Variants in DMRT1 observed in about 807,000 individuals in gnomAD.
DMRT1 encodes doublesex- and mab-3-related transcription factor 1.
DMRT1 carries 7 observed loss-of-function variants against 32.3 expected under a neutral mutation model. That is an observed-to-expected ratio of 0.22 (90% CI 0.12 to 0.41). The LOEUF is 0.41. Among genes scored for constraint, DMRT1 ranks in the 10% least tolerant of loss-of-function variants. The pLI is 1.00. For missense variants in DMRT1, 625 were observed against 500.5 expected, an observed-to-expected ratio of 1.25 and a Z score of -2.37; for synonymous variants, 278 against 206.1, an observed-to-expected ratio of 1.35 and a Z score of -2.99.
chr9:900,828 G>A (rs956900544), intron 3 of DMRT1, among the ~76,000 whole-genome samples: 6 of 151,748 alleles, frequency 4.0e-5, no homozygotes, highest in African/African-American at 1.5e-4. Context: ...GGGACTACAG[G>A]TGTGTGCCAC....
intron 2 of DMRT1, among the ~76,000 whole-genome samples, chr9:852,152 G>A (rs1266643202): frequency 6.6e-6 from 1 of 151,842 alleles, no homozygotes; most frequent in Non-Finnish European, 1.5e-5. Context: ...GGCCACGCTG[G>A]TCTTGAACTC....
intron 2 of DMRT1, among the ~76,000 whole-genome samples, chr9:876,909 G>C (rs1289219531): frequency 7.9e-6 from 1 of 126,596 alleles, no homozygotes; most frequent in African/African-American, 3.6e-5. Flanking sequence ...AGACAAGTGT[G>C]AGGTCTCAGA....
At chr9:930,507 G>T (rs966287897) in intron 4 of DMRT1, among the ~76,000 whole-genome samples, 2 of 151,946 alleles carry the variant, frequency 1.3e-5, no homozygotes, top group Admixed American at 1.3e-4. Context: ...CGCCTCTCGG[G>T]TTCATGCCAT....
chr9:854,684 A>G (rs1815312151), intron 2 of DMRT1, among the ~76,000 whole-genome samples: 2 of 116,676 alleles, frequency 1.7e-5, no homozygotes, highest in South Asian at 5.5e-4. Context: ...ATGATATTAG[A>G]TTAAGAAAAA....
At chr9:902,054 CGT>C (rs2129679390) in intron 3 of DMRT1, among the ~76,000 whole-genome samples, 1 of 151,462 alleles carries the variant, frequency 6.6e-6, no homozygotes, top group African/African-American at 2.4e-5. Context: ...GGATTACAGG[CGT>C]GCACCACCAC....
In DMRT1 at chr9:943,445, G is replaced by A. The variant is rs148595388; in HGVS notation, c.968-24540G>A. Reference sequence around the variant, plus strand: ...TTCACAGAGGCATTGGCTGGAGAATGAGAGTTGGCACCAGGGGCAACGAGG... The same window carrying A: ...TTCACAGAGGCATTGGCTGGAGAATAAGAGTTGGCACCAGGGGCAACGAGG... On this transcript the variant is annotated intron_variant, in intron 4 of 4. Transcript: ENST00000382276. Among the ~76,000 whole-genome samples, 352 of 152,322 alleles carry A rather than the reference G, an allele frequency of 2.3e-3. 1 individual carries two copies. Among genetic ancestry groups the A allele is most frequent in the Admixed American group, 5.9e-3 (90 of 15,306 alleles).
At chr9:943,489 T>C (rs1396595667) in intron 4 of DMRT1, among the ~76,000 whole-genome samples, 3 of 152,254 alleles carry the variant, frequency 2.0e-5, no homozygotes, top group Non-Finnish European at 1.5e-5. Context: ...TCAACAGGCA[T>C]GTCACTGGAA....
chr9:945,297 G>C (rs113179931), intron 4 of DMRT1, among the ~76,000 whole-genome samples: 2,349 of 152,198 alleles, frequency 0.015, 61 homozygotes, highest in African/African-American at 0.054. Context: ...GGGATTACAG[G>C]TGCCTGCCAT....
intron 2 of DMRT1, among the ~76,000 whole-genome samples, chr9:884,438 G>C (rs544619826): frequency 6.6e-6 from 1 of 151,880 alleles, no homozygotes; most frequent in East Asian, 1.9e-4. Flanking sequence ...GAAAGTAAAC[G>C]GGTGTAGCCA....
intron 4 of DMRT1, among the ~76,000 whole-genome samples, chr9:923,170 T>C (rs1456048005): frequency 1.3e-5 from 2 of 152,146 alleles, no homozygotes; most frequent in Admixed American, 1.3e-4. Context: ...CTTGGACTTT[T>C]AGGAAAAGGT....
At chr9:933,056 G>T (rs12004994) in intron 4 of DMRT1, among the ~76,000 whole-genome samples, 1 of 152,040 alleles carries the variant, frequency 6.6e-6, no homozygotes, top group African/African-American at 2.4e-5. Context: ...GGGATTACAG[G>T]TGCACACCAC....
Position 968,083 on chromosome 9 carries a change from C to T in DMRT1, c.1066C>T (p.Pro356Ser). ...KSTKAVLECEPASEPSSFTVT... is the reference protein window; with the variant it reads ...KSTKAVLECESASEPSSFTVT... ...CACAAAGGCAGTGCTTGAATGTGAG[C>T]CTGCGTCGGAGCCCAGCAGCTTCAC... The change falls in exon 5 of 5, where the codon CCT becomes TCT. Residue 356 changes from proline to serine, a missense_variant. Around this residue, in one of 3 missense-constraint regions of DMRT1, gnomAD observed 416 missense variants for 321.6 expected, o/e 1.29. Transcript: ENST00000382276. The T allele has an allele frequency of 1.9e-6, 3 of 1,614,142 alleles. No homozygotes were observed. Among genetic ancestry groups the T allele is most frequent in the Non-Finnish European group, 1.7e-6 (2 of 1,180,040 alleles).
At chr9:944,931 C>T (rs1819194053) in intron 4 of DMRT1, among the ~76,000 whole-genome samples, 1 of 151,656 alleles carries the variant, frequency 6.6e-6, no homozygotes, top group African/African-American at 2.4e-5. Context: ...ATCTAGTTGC[C>T]TAAAATTAAT....
intron 2 of DMRT1, among the ~76,000 whole-genome samples, chr9:851,106 T>TA (rs2132552431): frequency 1.3e-5 from 2 of 151,900 alleles, no homozygotes; most frequent in African/African-American, 4.8e-5. Context: ...GTGAAAGTTG[T>TA]AGGAGTTGTC....
intron 4 of DMRT1, among the ~76,000 whole-genome samples, chr9:918,550 C>T (rs764719449): frequency 4.6e-5 from 7 of 152,150 alleles, no homozygotes; most frequent in Admixed American, 1.3e-4. Flanking sequence ...GCTGTACTAG[C>T]GCTCACAGGG....
At chr9:954,797 A>G (rs970081720) in intron 4 of DMRT1, among the ~76,000 whole-genome samples, 4 of 151,746 alleles carry the variant, frequency 2.6e-5, no homozygotes, top group Admixed American at 2.6e-4. Context: ...GCGTGCCACC[A>G]CGCCCAGATA....
chr9:904,110 C>T (rs931424835), intron 3 of DMRT1, among the ~76,000 whole-genome samples: 1 of 152,162 alleles, frequency 6.6e-6, no homozygotes, highest in Non-Finnish European at 1.5e-5. Context: ...TATTATCTGA[C>T]ACAGTAGCAT....
intron 4 of DMRT1, among the ~76,000 whole-genome samples, chr9:951,563 A>G (rs1819427767): frequency 6.6e-6 from 1 of 152,254 alleles, no homozygotes; most frequent in East Asian, 1.9e-4. Flanking sequence ...CTTCCTCTTT[A>G]AAATGAAAAT....
chr9:846,355 A>G (rs2132541527), intron 1 of DMRT1, among the ~76,000 whole-genome samples: 1 of 152,166 alleles, frequency 6.6e-6, no homozygotes, highest in East Asian at 1.9e-4. Context: ...TTAAACAGTA[A>G]GTAATGTAGG....
Sources: allele counts gnomAD v4.1 joint callset (sites outside exome capture counted in the v4.1 genomes callset), GRCh38; gene constraint gnomAD v4.1.1; regional missense constraint gnomAD v4.1.1; transcripts MANE v1.5; gene names NCBI Gene and HGNC (gene_info 2026-07-23, HGNC 2026-07-21).